ABLIM2: variants seen among roughly 807,000 people sequenced by gnomAD.
ABLIM2 encodes actin-binding LIM protein 2.
ABLIM2 carries 53 observed loss-of-function variants against 97.7 expected under a neutral mutation model. The ratio of observed to expected loss-of-function variants is 0.54; its 90% CI spans 0.44 to 0.68. The LOEUF (loss-of-function observed/expected upper bound fraction) is 0.68, where lower values mean the gene tolerates loss of function less well. Among genes scored for constraint, ABLIM2 ranks in the 30% least tolerant of loss-of-function variants. The pLI, the probability that ABLIM2 is intolerant of heterozygous loss-of-function variation, is 0.00. For missense variants in ABLIM2, 835 were observed against 867.2 expected (o/e 0.96, Z 0.47); for synonymous variants, 361 against 345.8 (o/e 1.04, Z -0.49).
At chr4:8,145,745 T>TACACAC (rs34195989) in intron 1 of ABLIM2, among the ~76,000 whole-genome samples, 1,952 of 138,638 alleles carry the variant, frequency 0.014, 50 homozygotes, top group African/African-American at 0.04. Flanking sequence ...TACACACTCA[T>TACACAC]ACACACACAC....
chr4:8,101,399 C>G (rs1057488019), intron 2 of ABLIM2, among the ~76,000 whole-genome samples: 1 of 152,248 alleles, frequency 6.6e-6, no homozygotes, highest in Non-Finnish European at 1.5e-5. Context: ...CCAAGGCCCA[C>G]CTGTCTAGAG....
intron 1 of ABLIM2, among the ~76,000 whole-genome samples, chr4:8,118,065 T>A (rs1362901031): frequency 6.6e-6 from 1 of 152,200 alleles, no homozygotes; most frequent in Non-Finnish European, 1.5e-5. Flanking sequence ...CCAGGCCACA[T>A]TCTCCCAGGA....
chr4:8,048,175 C>G (rs946938648), intron 8 of ABLIM2, among the ~76,000 whole-genome samples: 1 of 152,222 alleles, frequency 6.6e-6, no homozygotes, highest in African/African-American at 2.4e-5. Context: ...GGGGATGAGT[C>G]AGAAGGGAGC....
rs373075377 is a variant in ABLIM2 at position 8,131,909 on chromosome 4, C to T, written c.11-25272G>A. Among the ~76,000 whole-genome samples, 7 of 147,568 alleles carry T rather than the reference C, an allele frequency of 4.7e-5. 1 individual carries two copies. In the East Asian group the frequency reaches 1.4e-3, roughly 29 times the overall value. On this transcript the variant is annotated intron_variant, in intron 1 of 20. Transcript: ENST00000447017. ...ATCCCCTGCACAGCAGCCCGCATCT[C>T]CAGCACAGCAGCCAGCATCCCCAGA...
At chr4:8,016,522 C>G (rs1014823461) in intron 14 of ABLIM2, among the ~76,000 whole-genome samples, 1 of 152,176 alleles carries the variant, frequency 6.6e-6, no homozygotes, top group Non-Finnish European at 1.5e-5. Context: ...AGAAAGGAAG[C>G]TCCCCACGAT....
In ABLIM2 at chr4:8,158,798, C is replaced by G. The variant is rs550015688; in HGVS notation, c.-109G>C. On this transcript the variant is annotated 5_prime_UTR_variant, in exon 1 of 21. Transcript: ENST00000447017. The stretch of plus-strand genomic sequence containing the variant: ...TCCGCCCGCCCGCCGGCTCCGCGCC[C>G]GCTCCTTGCGCACACGCCAGGCAGC... The G allele has an allele frequency of 1.3e-5, 13 of 1,019,746 alleles. No individual in the cohort carries two copies. The highest frequency in any genetic ancestry group is 4.7e-5 in the Admixed American group (1 of 21,346). 63.2% of individuals were successfully genotyped at this position (1,019,746 alleles called of 1,614,324 possible).
At chr4:8,041,655 C>A (rs1048417568) in intron 9 of ABLIM2, among the ~76,000 whole-genome samples, 2 of 151,202 alleles carry the variant, frequency 1.3e-5, no homozygotes, top group Non-Finnish European at 1.5e-5. Context: ...GTAATCCCAG[C>A]ACTTTGGGAG....
Position 8,158,287 on chromosome 4 carries a change from T to C in ABLIM2, c.10+393A>G, listed in dbSNP as rs1227667626. Among the ~76,000 whole-genome samples, 6 of 152,252 alleles carry C rather than the reference T, an allele frequency of 3.9e-5. No individual in the cohort carries two copies. In the East Asian group the frequency reaches 1.2e-3, roughly 29 times the overall value. On this transcript the variant is annotated intron_variant, in intron 1 of 20. Coordinates refer to ENST00000447017, the MANE Select transcript of ABLIM2 (RefSeq NM_001130083.2). ...CAGCTGCAAAGCCCCGCCTATCATC[T>C]CACCTCTGCGTGCCTAGGTCTGCTG...
intron 14 of ABLIM2, among the ~76,000 whole-genome samples, chr4:8,009,671 C>T (rs1318032238): frequency 6.6e-6 from 1 of 152,166 alleles, no homozygotes; most frequent in East Asian, 1.9e-4. Flanking sequence ...GCTGGGATTA[C>T]AGGCATGAGC....
chr4:8,029,730 G>A lies in ABLIM2; in HGVS notation c.1094C>T (p.Pro365Leu), dbSNP rs1373006291. Reference sequence around the variant, plus strand: ...GAGGCTAACCGACCCAGTGGAGCTTGGGCTGGAGGTCCGACACTGCTTGTA... The same window carrying A: ...GAGGCTAACCGACCCAGTGGAGCTTAGGCTGGAGGTCCGACACTGCTTGTA... ...RSYKQCRTSS[P>L]SSTGSVSLGR... Residue 365 changes from proline (P) to leucine (L), a missense_variant, in exon 11 of 21, where the codon CCA (proline) becomes CTA (leucine). By Grantham distance (98) the Pro-to-Leu change is moderately conservative. Coordinates refer to ENST00000447017, the MANE Select transcript of ABLIM2 (RefSeq NM_001130083.2). The A allele has an allele frequency of 6.4e-7, 1 of 1,557,928 alleles. No individual in the cohort carries two copies. Among genetic ancestry groups the A allele is most frequent in the Non-Finnish European group, 8.7e-7 (1 of 1,151,004 alleles).
intron 1 of ABLIM2, among the ~76,000 whole-genome samples, chr4:8,110,987 G>C (rs1274974812): frequency 1.3e-5 from 2 of 152,226 alleles, no homozygotes; most frequent in East Asian, 3.8e-4. Flanking sequence ...GACGGCTAGG[G>C]GGGCAACAGC....
chr4:8,016,321 G>A (rs1300035021), intron 14 of ABLIM2, among the ~76,000 whole-genome samples: 1 of 152,202 alleles, frequency 6.6e-6, no homozygotes, highest in South Asian at 2.1e-4. Flanking sequence ...TGGGATTACA[G>A]GCATGAGCCA....
intron 1 of ABLIM2, among the ~76,000 whole-genome samples, chr4:8,154,883 C>A (rs182015122): frequency 1.2e-4 from 19 of 152,314 alleles, no homozygotes; most frequent in African/African-American, 4.3e-4. Context: ...GGAGGCCTCG[C>A]AATCATGGCG....
intron 5 of ABLIM2, among the ~76,000 whole-genome samples, chr4:8,079,772 G>A (rs988433397): frequency 6.6e-6 from 1 of 152,172 alleles, no homozygotes; most frequent in Non-Finnish European, 1.5e-5. Context: ...GTGTGTGTGT[G>A]TGTGCGCGCG....
At chr4:8,121,161 C>T (rs577782357) in intron 1 of ABLIM2, among the ~76,000 whole-genome samples, 1 of 152,342 alleles carries the variant, frequency 6.6e-6, no homozygotes, top group East Asian at 1.9e-4. Flanking sequence ...AAGTGGGACA[C>T]TGATCCTACC....
rs1287789729 is a variant in ABLIM2 at position 8,091,806 on chromosome 4, TATATATTATATA to T, written c.339-3534_339-3523del. Among the ~76,000 whole-genome samples the T allele has an allele frequency of 1.3e-3, 111 of 86,440 alleles. 1 individual carries two copies. Among genetic ancestry groups the T allele is most frequent in the Middle Eastern group, 6.0e-3 (1 of 168 alleles). The allele number at this position is 86,440 out of a possible 152,430, so 56.7% of individuals were successfully genotyped here. On this transcript the variant is annotated intron_variant, in intron 3 of 20. Coordinates refer to ENST00000447017, the MANE Select transcript of ABLIM2 (RefSeq NM_001130083.2). ...ATTAATAATTATAGAATTAATATAT[TATATATTATATA>T]ATATATTATATAAATAATATAATAT...
intron 18 of ABLIM2, among the ~76,000 whole-genome samples, 190 bp from the exon 19 acceptor site, chr4:7,983,744 T>TC (rs138445010): frequency 1.3e-5 from 2 of 152,022 alleles, no homozygotes; most frequent in African/African-American, 4.8e-5. Flanking sequence ...CCTGAGGGCC[T>TC]CCCCCGGGAA....
Position 8,002,407 on chromosome 4 carries a change from G to GC in ABLIM2, c.1618+5651dup, listed in dbSNP as rs373145091. Among the ~76,000 whole-genome samples the GC allele has an allele frequency of 6.6e-6, 1 of 152,142 alleles. No individual in the cohort carries two copies. The highest frequency in any genetic ancestry group is 6.5e-5 in the Admixed American group (1 of 15,270). On this transcript the variant is annotated intron_variant, in intron 16 of 20. Transcript: ENST00000447017. The surrounding 1 kb of genome is among the most constrained non-coding windows in gnomAD (Gnocchi z 6.1). ...GCCCTGCCAGTGAGATCCTTCCAGG[G>GC]CCCCCCACTGCTTTTGTGGGAGCCC...
chr4:8,121,893 C>T (rs990660675), intron 1 of ABLIM2, among the ~76,000 whole-genome samples: 1 of 152,216 alleles, frequency 6.6e-6, no homozygotes, highest in Non-Finnish European at 1.5e-5. Context: ...CCACCCACAA[C>T]CCAGGTCACA....
Sources: gnomAD v4.1 joint callset for allele counts (sites outside exome capture counted in the v4.1 genomes callset) on GRCh38, gnomAD v4.1.1 for gene constraint, Gnocchi (gnomAD v3.1) non-coding constraint, MANE v1.5 for transcripts, NCBI Gene and HGNC (gene_info 2026-07-23, HGNC 2026-07-21) for gene names.